Variants in DYNC2I2 observed in about 807,000 individuals in gnomAD.
DYNC2I2 encodes the protein dynein 2 intermediate chain 2, also known as cytoplasmic dynein 2 intermediate chain 2.
A neutral mutation model predicts 52.0 loss-of-function variants in DYNC2I2; 39 were observed. That is an observed-to-expected ratio of 0.75 (90% CI 0.58 to 0.98). The LOEUF (loss-of-function observed/expected upper bound fraction) is 0.98. Ranked by LOEUF, DYNC2I2 falls within the 50% of genes least tolerant of loss-of-function variation. The pLI is 0.00. For missense variants in DYNC2I2, 743 were observed against 728.4 expected (o/e 1.02, Z -0.23); for synonymous variants, 359 against 321.1 (o/e 1.12, Z -1.26).
At chr9:128,679,509 G>C in the DYNC2I2 span, among the ~76,000 whole-genome samples, 16 of 152,118 alleles carry the variant, frequency 1.1e-4, no homozygotes, top group Non-Finnish European at 1.8e-4. Context: ...TGTTGACCCA[G>C]TTGGAGTGCA....
Position 128,633,687 on chromosome 9 carries a change from G to A in DYNC2I2, c.*57C>T. The A allele has an allele frequency of 1.3e-6, 2 of 1,542,592 alleles. No individual in the cohort carries two copies. Among genetic ancestry groups the A allele is most frequent in the Non-Finnish European group, 8.8e-7 (1 of 1,137,178 alleles). ...AGCTTTGCTTTTCTTCATTTGGCTT[G>A]CGTCAGAAACACAAGGCTCGGCACA... On this transcript the variant is annotated 3_prime_UTR_variant, in exon 9 of 9. Coordinates refer to ENST00000372715, the MANE Select transcript of DYNC2I2 (RefSeq NM_052844.4).
chr9:128,682,182 G>A, the DYNC2I2 span, among the ~76,000 whole-genome samples: 1 of 151,724 alleles, frequency 6.6e-6, no homozygotes, highest in East Asian at 2.0e-4. Context: ...CCGAGTAGCT[G>A]GGACTACAGG....
chr9:128,636,851 C>T, intron 3 of DYNC2I2, 67 bp downstream of exon 3: 1 of 1,262,910 alleles, frequency 7.9e-7, no homozygotes, highest in Non-Finnish European at 1.1e-6. Context: ...TGTGCAGCTA[C>T]AGAGACAAGG....
chr9:128,681,466 T>C, the DYNC2I2 span, among the ~76,000 whole-genome samples: 1 of 152,248 alleles, frequency 6.6e-6, no homozygotes, highest in Admixed American at 6.6e-5. Flanking sequence ...TGGACAGACA[T>C]TTGCATTGTT....
the DYNC2I2 span, among the ~76,000 whole-genome samples, chr9:128,669,529 C>G: frequency 1.3e-5 from 2 of 152,274 alleles, no homozygotes; most frequent in African/African-American, 4.8e-5. Flanking sequence ...GAAACCCTGT[C>G]TCTACTAAAA....
At chr9:128,646,771 C>A (rs1860624123) in intron 1 of DYNC2I2, among the ~76,000 whole-genome samples, 1 of 151,938 alleles carries the variant, frequency 6.6e-6, no homozygotes. Context: ...TCATTTGAGT[C>A]CAAGACTTTG....
chr9:128,639,536 G>A (rs1354717544), intron 2 of DYNC2I2, among the ~76,000 whole-genome samples: 1 of 152,186 alleles, frequency 6.6e-6, no homozygotes, highest in East Asian at 1.9e-4. Flanking sequence ...GCATGGCAGT[G>A]AAACCAGAGA....
the DYNC2I2 span, among the ~76,000 whole-genome samples, chr9:128,662,246 A>AG: frequency 6.6e-6 from 1 of 151,784 alleles, no homozygotes; most frequent in East Asian, 1.9e-4. Context: ...GAAAAAAAAA[A>AG]AGAGCCTGAA....
At chr9:128,649,688 C>CAAAAAAAAAAAA (rs34154610) in intron 1 of DYNC2I2, among the ~76,000 whole-genome samples, 6 of 47,228 alleles carry the variant, frequency 1.3e-4, no homozygotes, top group African/African-American at 8.2e-4. Context: ...GACTCCATCT[C>CAAAAAAAAAAAA]AAAAAAAAAA....
chr9:128,645,489 C>A (rs112901601), intron 1 of DYNC2I2, among the ~76,000 whole-genome samples: 3,529 of 150,576 alleles, frequency 0.023, 125 homozygotes, highest in African/African-American at 0.082. Context: ...TGGTGGCGGG[C>A]GCCTGTAGTC....
At chr9:128,657,045 G>A (rs2132191887), upstream of DYNC2I2, among the ~76,000 whole-genome samples, 1 of 152,360 alleles carries the variant, frequency 6.6e-6, no homozygotes, top group South Asian at 2.1e-4. Flanking sequence ...GAAGCGAAGA[G>A]AGGGCGGCAG....
At chr9:128,655,257 T>G (rs1325154718) in intron 1 of DYNC2I2, among the ~76,000 whole-genome samples, 1 of 146,016 alleles carries the variant, frequency 6.8e-6, no homozygotes, top group Non-Finnish European at 1.5e-5. Context: ...CCCAGCACTT[T>G]GGGAGGCCGA....
chr9:128,678,524 C>A, the DYNC2I2 span, among the ~76,000 whole-genome samples: 1 of 115,886 alleles, frequency 8.6e-6, no homozygotes, highest in East Asian at 2.9e-4. Context: ...TGCAGTGGTG[C>A]AATCTTGGCT....
chr9:128,637,093 ACCCCACCTAGG>A (rs1860430182), intron 2 of DYNC2I2, 66 bp from the exon 3 acceptor site: 3 of 1,203,578 alleles, frequency 2.5e-6, no homozygotes, highest in Non-Finnish European at 3.6e-6. Flanking sequence ...GCCTAACCAA[ACCCCACCTAGG>A]CCAGGCCACC....
the DYNC2I2 span, among the ~76,000 whole-genome samples, chr9:128,662,171 T>C: frequency 6.6e-6 from 1 of 151,448 alleles, no homozygotes; most frequent in Admixed American, 6.6e-5. Context: ...AGGCGGAGGT[T>C]GCAGTGAGCC....
upstream of DYNC2I2, among the ~76,000 whole-genome samples, chr9:128,658,587 G>A (rs1463786737): frequency 1.3e-5 from 2 of 151,320 alleles, no homozygotes; most frequent in East Asian, 1.9e-4. Flanking sequence ...TCAGCCTCTC[G>A]AGTAGCTGGG....
Position 128,633,852 on chromosome 9 carries a change from G to C in DYNC2I2, c.1503C>G (p.Gly501=). The C allele has an allele frequency of 6.2e-7, 1 of 1,613,550 alleles. No individual in the cohort carries two copies. The change falls in exon 9 of 9, where the codon GGC becomes GGG. Residue 501 remains glycine (G), a synonymous_variant. Transcript: ENST00000372715. ...ACACCTTCACTGTGCCCTGGGCATC[G>C]CCCGCAGCCAAGAGCTGAGTCTGCT... The part of the protein sequence containing the change: ...NSQQTQLLAA[G]DAQGTVKVWQ...
the DYNC2I2 span, among the ~76,000 whole-genome samples, chr9:128,668,247 C>CTG: frequency 1.3e-4 from 18 of 138,448 alleles, no homozygotes; most frequent in Non-Finnish European, 2.5e-4. Context: ...GCGTGAGCCA[C>CTG]CACGCCCGGC....
At chr9:128,657,884 G>A (rs1465114687), upstream of DYNC2I2, among the ~76,000 whole-genome samples, 1 of 152,134 alleles carries the variant, frequency 6.6e-6, no homozygotes, top group Non-Finnish European at 1.5e-5. Flanking sequence ...GAGCCCAGGA[G>A]TTTGAGACCT....
Sources: allele counts gnomAD v4.1 joint callset (sites outside exome capture counted in the v4.1 genomes callset), GRCh38; gene constraint gnomAD v4.1.1; transcripts MANE v1.5; gene names NCBI Gene and HGNC (gene_info 2026-07-23, HGNC 2026-07-21).